The following AFMID variants were observed in gnomAD, a reference collection of about 807,000 sequenced individuals.
AFMID encodes the protein arylformamidase.
Under a neutral mutation model 47.5 loss-of-function variants are expected in AFMID, and 39 were observed. That is an observed-to-expected ratio of 0.82 (90% CI 0.64 to 1.07). AFMID has a LOEUF of 1.07. Ranked by LOEUF, AFMID falls within the 50% of genes least tolerant of loss-of-function variation. The pLI, the probability that AFMID is intolerant of heterozygous loss-of-function variation, is 0.00. For synonymous variants in AFMID, 130 were observed against 153.2 expected (o/e 0.85, Z 1.12); for missense variants, 375 against 387.5 (o/e 0.97, Z 0.27).
In AFMID at chr17:78,187,435, T is replaced by C. The variant is rs1598977813; in HGVS notation, c.63+2T>C. 1.2e-6 allele frequency: 2 copies of C among 1,612,304 alleles called. No individual in the cohort carries two copies. Among genetic ancestry groups the C allele is most frequent in the Non-Finnish European group, 1.7e-6 (2 of 1,179,430 alleles). On this transcript the variant is annotated splice_donor_variant, in intron 1 of 10. Coordinates refer to ENST00000409257, the MANE Select transcript of AFMID (RefSeq NM_001010982.5). LOFTEE classifies it high-confidence loss of function. ...CCTTGGAAGAAGATGTCTGCAGAGG[T>C]AGGTGGATTGCAGGGAGGGACTAAG... is the stretch of plus-strand genomic sequence containing the variant.
intron 1 of AFMID, 146 bp from the exon 2 acceptor site, chr17:78,190,824 C>T: frequency 1.5e-6 from 1 of 674,576 alleles, no homozygotes; most frequent in Non-Finnish European, 2.6e-6. Flanking sequence ...ACCTCTAGAC[C>T]ATGGATCTGA....
At chr17:78,191,382 A>ACTT (rs2075964890) in intron 2 of AFMID, among the ~76,000 whole-genome samples, 1 of 152,104 alleles carries the variant, frequency 6.6e-6, no homozygotes, top group Non-Finnish European at 1.5e-5. Context: ...GAACAGAGGA[A>ACTT]CGTTCCCCAT....
intron 2 of AFMID, among the ~76,000 whole-genome samples, chr17:78,191,447 G>T (rs1014500135): frequency 6.6e-6 from 1 of 152,136 alleles, no homozygotes; most frequent in Admixed American, 6.6e-5. Context: ...ACTTTGGGAG[G>T]CCGAGGCAGG....
At position 78,207,159 on chromosome 17, in the gene AFMID, A is replaced by G. The variant is rs568934762; in HGVS notation, c.*222A>G. Reference sequence around the variant, plus strand: ...CTGGATGGAGCTCCAGGGCTGGGGAACGTCCGCAAGTCAATGCTCAGAGAT... The same window carrying G: ...CTGGATGGAGCTCCAGGGCTGGGGAGCGTCCGCAAGTCAATGCTCAGAGAT... On this transcript the variant is annotated 3_prime_UTR_variant, in exon 11 of 11. Transcript: ENST00000409257. The G allele has an allele frequency of 6.5e-4, 390 of 600,260 alleles. 6 individuals carry two copies. The African/African-American group carries it at 6.6e-3, about 10-fold the overall frequency. The allele number at this position is 600,260 out of a possible 1,614,324, so 37.2% of individuals were successfully genotyped here. A position where few individuals can be genotyped will look rare whatever the true frequency, so the allele number is the denominator to read the frequency against.
Position 78,187,440 on chromosome 17 carries a change from G to A in AFMID, c.63+7G>A. 1 of 1,613,886 alleles carries A rather than the reference G, an allele frequency of 6.2e-7. No homozygotes were observed. The highest frequency in any genetic ancestry group is 2.2e-5 in the East Asian group (1 of 44,804). On this transcript the variant is annotated splice_region_variant and intron_variant, in intron 1 of 10. Transcript: ENST00000409257. ...GAAGAAGATGTCTGCAGAGGTAGGT[G>A]GATTGCAGGGAGGGACTAAGGGGCT...
intron 9 of AFMID, 81 bp downstream of exon 9, chr17:78,205,819 C>A: frequency 6.3e-7 from 1 of 1,596,484 alleles, no homozygotes; most frequent in South Asian, 1.1e-5. Context: ...CCCAAGTGGA[C>A]AAGACCCTCC....
intron 2 of AFMID, among the ~76,000 whole-genome samples, chr17:78,197,882 C>A (rs1168328176): frequency 1.3e-5 from 2 of 152,006 alleles, no homozygotes; most frequent in Non-Finnish European, 2.9e-5. Context: ...CTTTGGGAAA[C>A]CAAAGCAGGA....
chr17:78,190,462 C>T (rs183461694), intron 1 of AFMID, among the ~76,000 whole-genome samples: 4 of 152,220 alleles, frequency 2.6e-5, no homozygotes, highest in African/African-American at 4.8e-5. Flanking sequence ...GGTGCGATCT[C>T]GGCTCACTGC....
In AFMID at chr17:78,205,203, G is replaced by C; in HGVS notation, c.565+13G>C. 6.2e-7 allele frequency: 1 copy of C among 1,604,998 alleles called. No individual in the cohort carries two copies. On this transcript the variant is annotated intron_variant, in intron 7 of 10. Coordinates refer to ENST00000409257, the MANE Select transcript of AFMID (RefSeq NM_001010982.5). The stretch of plus-strand genomic sequence containing the variant: ...CCCAACCTCAGAGGTTTCCATGGGA[G>C]CTACAGCCTGGCTGGGCAACCTTCA...
chr17:78,207,104 G>A lies in AFMID; in HGVS notation c.*167G>A, dbSNP rs935139517. 1.4e-6 allele frequency: 1 copy of A among 736,950 alleles called. No homozygotes were observed. Among genetic ancestry groups the A allele is most frequent in the Admixed American group, 2.5e-5 (1 of 40,234 alleles). 45.7% of individuals were successfully genotyped at this position (736,950 alleles called of 1,614,324 possible). On this transcript the variant is annotated 3_prime_UTR_variant, in exon 11 of 11. Coordinates refer to ENST00000409257, the MANE Select transcript of AFMID (RefSeq NM_001010982.5). Reference sequence around the variant, plus strand: ...CCATTCTCACTGCTGGGACACTCATGAAAATCTCCACGTCCTCCCTCTTCC... The same window carrying A: ...CCATTCTCACTGCTGGGACACTCATAAAAATCTCCACGTCCTCCCTCTTCC...
chr17:78,202,661 C>G (rs1349422227), intron 3 of AFMID, 42 bp from the exon 4 acceptor site: 2 of 1,574,748 alleles, frequency 1.3e-6, no homozygotes, highest in South Asian at 1.2e-5. Flanking sequence ...CAGAGCTCAG[C>G]AGGGCGGGCC....
chr17:78,202,840 C>T lies in AFMID; in HGVS notation c.308+89C>T, dbSNP rs1281505557. 48 of 1,463,994 alleles carry T rather than the reference C, an allele frequency of 3.3e-5. No individual in the cohort carries two copies. The East Asian group carries it at 1.1e-3, about 35-fold the overall frequency. The allele number at this position is 1,463,994 out of a possible 1,614,324, so 90.7% of individuals were successfully genotyped here. The stretch of plus-strand genomic sequence containing the variant: ...CTCCAGGGCTGCCGCAACCAAACTG[C>T]CACAAGCTGGGCACTCCTTGCAGGG... On this transcript the variant is annotated intron_variant, in intron 4 of 10. Coordinates refer to ENST00000409257, the MANE Select transcript of AFMID (RefSeq NM_001010982.5).
intron 2 of AFMID, among the ~76,000 whole-genome samples, chr17:78,195,190 T>C: frequency 7.2e-6 from 1 of 138,108 alleles, no homozygotes; most frequent in Admixed American, 7.2e-5. Context: ...GACAGTTTCT[T>C]TCTTTTTTTT....
intron 2 of AFMID, chr17:78,197,134 G>C: frequency 6.5e-7 from 1 of 1,548,440 alleles, no homozygotes; most frequent in Non-Finnish European, 8.7e-7. Context: ...CTTTAATCTA[G>C]TCCATTTATA....
chr17:78,189,397 A>AT (rs1364439709), intron 1 of AFMID, among the ~76,000 whole-genome samples: 1 of 147,344 alleles, frequency 6.8e-6, no homozygotes, highest in African/African-American at 2.5e-5. Context: ...TAATTTTTGT[A>AT]TTTTTAGTAG....
rs34018698 is a variant in AFMID at position 78,187,960 on chromosome 17, C to CAAAAAAAAAAAAAA, written c.63+543_63+556dup. On this transcript the variant is annotated intron_variant, in intron 1 of 10. Transcript: ENST00000409257. ...TGGGCGATAGACCAAGACTTAGTCT[C>CAAAAAAAAAAAAAA]AAAAAAAAAAAAAAAAAAAAAAAAA... is the stretch of plus-strand genomic sequence containing the variant. Among the ~76,000 whole-genome samples the CAAAAAAAAAAAAAA allele has an allele frequency of 2.4e-3, 137 of 56,670 alleles. 4 individuals carry two copies. Among genetic ancestry groups the CAAAAAAAAAAAAAA allele is most frequent in the East Asian group, 6.5e-3 (7 of 1,078 alleles). 37.2% of individuals were successfully genotyped at this position (56,670 alleles called of 152,430 possible).
At position 78,207,257 on chromosome 17, in the gene AFMID, A is replaced by G. The variant is rs1442120219; in HGVS notation, c.*320A>G. The G allele has an allele frequency of 5.7e-6, 2 of 351,374 alleles. No individual in the cohort carries two copies. The highest frequency in any genetic ancestry group is 1.0e-5 in the Non-Finnish European group (2 of 200,908). 21.8% of individuals were successfully genotyped at this position (351,374 alleles called of 1,614,324 possible). On this transcript the variant is annotated 3_prime_UTR_variant, in exon 11 of 11. Coordinates refer to ENST00000409257, the MANE Select transcript of AFMID (RefSeq NM_001010982.5). The stretch of plus-strand genomic sequence containing the variant: ...GAGCATGACAAAGATGACGCTCAAA[A>G]GTAATGCCATTACTTCTTTTTTTTT...
intron 4 of AFMID, 101 bp from the exon 5 acceptor site, chr17:78,204,555 C>A: frequency 9.1e-7 from 1 of 1,096,926 alleles, no homozygotes; most frequent in Non-Finnish European, 1.4e-6. Context: ...AGGGGTGATG[C>A]TGTGCGTGGA....
chr17:78,190,938 G>A (rs754160305), intron 1 of AFMID, 32 bp from the exon 2 acceptor site: 35 of 1,604,308 alleles, frequency 2.2e-5, no homozygotes, highest in Non-Finnish European at 2.9e-5. Context: ...GAGAAGGAAA[G>A]TCTTACGGAG....
Sources: gnomAD v4.1 joint callset for allele counts (sites outside exome capture counted in the v4.1 genomes callset) on GRCh38, gnomAD v4.1.1 for gene constraint, MANE v1.5 for transcripts, NCBI Gene and HGNC (gene_info 2026-07-23, HGNC 2026-07-21) for gene names.